Variants in TFEC observed in about 807,000 individuals in gnomAD.
TFEC encodes class E basic helix-loop-helix protein 34.
In TFEC, 31 loss-of-function variants were observed where a neutral mutation model predicts 41.6. The ratio of observed to expected loss-of-function variants is 0.74; its 90% CI spans 0.56 to 1.01. TFEC has a LOEUF of 1.01. Ranked by LOEUF, TFEC falls within the 50% of genes least tolerant of loss-of-function variation. The probability of loss-of-function intolerance (pLI) is 0.00; values close to 1 mark genes in which losing one functional copy is unlikely to be tolerated. For missense variants in TFEC, 402 were observed against 404.1 expected, an observed-to-expected ratio of 0.99 and a Z score of 0.04; for synonymous variants, 143 against 140.6, an observed-to-expected ratio of 1.02 and a Z score of -0.12.
intron 1 of TFEC, among the ~76,000 whole-genome samples, chr7:116,026,350 G>T (rs1795585225): frequency 1.3e-5 from 2 of 152,166 alleles, no homozygotes; most frequent in African/African-American, 4.8e-5. Flanking sequence ...ACCCTTTCCA[G>T]ATTGGCAGAT....
At chr7:116,064,595 A>T (rs4545024) in intron 3 of TFEC, among the ~76,000 whole-genome samples, 15,493 of 152,004 alleles carry the variant, frequency 0.1, 879 homozygotes, top group African/African-American at 0.14. Flanking sequence ...TACCTAATGC[A>T]TGGGTGGCTT....
At chr7:116,112,220 G>A (rs888260212) in intron 1 of TFEC, among the ~76,000 whole-genome samples, 1 of 151,974 alleles carries the variant, frequency 6.6e-6, no homozygotes, top group African/African-American at 2.4e-5. Context: ...AAGGCAGATA[G>A]ACAATATCTG....
In TFEC at chr7:116,047,334, C is replaced by A. The variant is rs527796921; in HGVS notation, c.199-62821G>T. On this transcript the variant is annotated intron_variant, in intron 3 of 8. Transcript: ENST00000484212. ...GCGCTTTTCCAATGGTCTTAGCAAACGGCACACCAGGAGATTATATCCTGC... is the reference window on the plus strand; with the variant it reads ...GCGCTTTTCCAATGGTCTTAGCAAAAGGCACACCAGGAGATTATATCCTGC... Among the ~76,000 whole-genome samples, 236 of 152,244 alleles carry A rather than the reference C, an allele frequency of 1.6e-3. 2 individuals are homozygous for A. Among genetic ancestry groups the A allele is most frequent in the Non-Finnish European group, 6.0e-4 (41 of 68,016 alleles).
chr7:115,961,263 A>C (rs1349295442), intron 3 of TFEC, among the ~76,000 whole-genome samples: 1 of 151,668 alleles, frequency 6.6e-6, no homozygotes, highest in Non-Finnish European at 1.5e-5. Context: ...AGAAACCCTC[A>C]ACACATTTCA....
chr7:116,159,442 T>C (rs946188311), intron 1 of TFEC, among the ~76,000 whole-genome samples: 1 of 151,976 alleles, frequency 6.6e-6, no homozygotes, highest in Admixed American at 6.6e-5. Flanking sequence ...GAGAGAAACA[T>C]AGTCTCGCCA....
chr7:115,945,281 C>T (rs1791469638), intron 6 of TFEC, among the ~76,000 whole-genome samples: 1 of 151,398 alleles, frequency 6.6e-6, no homozygotes, highest in African/African-American at 2.4e-5. Flanking sequence ...ATTCTTGTTT[C>T]CTGTGACTTT....
chr7:116,109,717 A>G (rs1486302866), intron 3 of TFEC, among the ~76,000 whole-genome samples: 1 of 152,248 alleles, frequency 6.6e-6, no homozygotes, highest in African/African-American at 2.4e-5. Flanking sequence ...CAGCCATCCC[A>G]TTACTGGGTA....
intron 3 of TFEC, among the ~76,000 whole-genome samples, chr7:115,961,811 G>C (rs745390931): frequency 1.5e-4 from 22 of 151,608 alleles, no homozygotes; most frequent in Non-Finnish European, 3.1e-4. Context: ...ATTTAGGTGA[G>C]AATAACCAGG....
chr7:116,146,347 TG>T (rs1424098989), intron 1 of TFEC, among the ~76,000 whole-genome samples: 1 of 152,122 alleles, frequency 6.6e-6, no homozygotes, highest in Non-Finnish European at 1.5e-5. Flanking sequence ...CCAGGAGCCT[TG>T]AAAAAAGAGC....
At chr7:116,032,548 G>C (rs1409993856), upstream of TFEC, among the ~76,000 whole-genome samples, 1 of 152,100 alleles carries the variant, frequency 6.6e-6, no homozygotes, top group Non-Finnish European at 1.5e-5. Flanking sequence ...GGATGGAGCT[G>C]GAGGCCATTA....
At chr7:116,077,963 T>G (rs1796999038) in intron 3 of TFEC, among the ~76,000 whole-genome samples, 1 of 152,020 alleles carries the variant, frequency 6.6e-6, no homozygotes, top group African/African-American at 2.4e-5. Flanking sequence ...ACCCAACAAC[T>G]GCAGAATATA....
chr7:116,098,725 C>T (rs954769407), intron 3 of TFEC, among the ~76,000 whole-genome samples: 10 of 152,024 alleles, frequency 6.6e-5, no homozygotes, highest in Non-Finnish European at 1.3e-4. Context: ...AGAATTGGCA[C>T]CAATTACACA....
At chr7:116,037,024 A>T (rs1795927382) in intron 3 of TFEC, among the ~76,000 whole-genome samples, 1 of 152,124 alleles carries the variant, frequency 6.6e-6, no homozygotes, top group Non-Finnish European at 1.5e-5. Flanking sequence ...CAGCTAACGC[A>T]CTTTTGGAAA....
Position 116,100,712 on chromosome 7 carries a change from C to T in TFEC, c.198+9996G>A, listed in dbSNP as rs187796728. Among the ~76,000 whole-genome samples, 38 of 152,154 alleles carry T rather than the reference C, an allele frequency of 2.5e-4. 1 individual carries two copies. The highest frequency in any genetic ancestry group is 7.7e-4 in the African/African-American group (32 of 41,514). The stretch of plus-strand genomic sequence containing the variant: ...ATTCCTATGAGCTGCCAATATGACA[C>T]GGCTGCCACAAGGGAGGGATTTTCT... On this transcript the variant is annotated intron_variant, in intron 3 of 8. Transcript: ENST00000484212.
At chr7:116,011,362 T>A (rs1312636533) in intron 1 of TFEC, among the ~76,000 whole-genome samples, 2 of 152,138 alleles carry the variant, frequency 1.3e-5, no homozygotes, top group Admixed American at 6.6e-5. Context: ...CATGACCTCA[T>A]AAGGTGTCAT....
chr7:116,024,922 C>A (rs956895006), intron 1 of TFEC, among the ~76,000 whole-genome samples: 3 of 151,918 alleles, frequency 2.0e-5, no homozygotes, highest in African/African-American at 7.3e-5. Flanking sequence ...GTTGTTGTTG[C>A]TGCTATGGTT....
At position 116,092,499 on chromosome 7, in the gene TFEC, T is replaced by A. The variant is rs575882447; in HGVS notation, c.198+18209A>T. On this transcript the variant is annotated intron_variant, in intron 3 of 8. Coordinates refer to the TFEC transcript ENST00000484212. Reference sequence around the variant, plus strand: ...ATAAGTATAATCAGATATTTTAGTATTTTACATTTCAGTGGAAGTATTTTT... The same window carrying A: ...ATAAGTATAATCAGATATTTTAGTAATTTACATTTCAGTGGAAGTATTTTT... Among the ~76,000 whole-genome samples, 7 of 152,314 alleles carry A rather than the reference T, an allele frequency of 4.6e-5. No individual in the cohort carries two copies. The South Asian group carries it at 1.5e-3, about 32-fold the overall frequency.
chr7:116,063,840 A>G (rs1014707802), intron 3 of TFEC, among the ~76,000 whole-genome samples: 5 of 152,104 alleles, frequency 3.3e-5, no homozygotes, highest in African/African-American at 7.2e-5. Context: ...TTATCTCTCC[A>G]TTCATTGATG....
At chr7:116,091,420 T>G in intron 3 of TFEC, among the ~76,000 whole-genome samples, 1 of 152,218 alleles carries the variant, frequency 6.6e-6, no homozygotes, top group Non-Finnish European at 1.5e-5. Flanking sequence ...GCCTTTCCCT[T>G]AGAAGTTTAC....
Sources: allele counts gnomAD v4.1 joint callset (sites outside exome capture counted in the v4.1 genomes callset), GRCh38; gene constraint gnomAD v4.1.1; transcripts MANE v1.5; gene names NCBI Gene and HGNC (gene_info 2026-07-23, HGNC 2026-07-21).